EEA1: variants seen among roughly 807,000 people sequenced by gnomAD.
EEA1 encodes early endosome antigen 1, 162kD.
Under a neutral mutation model 209.2 loss-of-function variants are expected in EEA1, and 111 were observed. The observed-to-expected ratio is 0.53, with a 90% CI of 0.45 to 0.62. The LOEUF is 0.62. EEA1 is among the 20% of genes least tolerant of loss of function. The probability of loss-of-function intolerance (pLI) is 0.00; values close to 1 mark genes in which losing one functional copy is unlikely to be tolerated. For synonymous variants in EEA1, 536 were observed against 540.6 expected, an observed-to-expected ratio of 0.99 and a Z score of 0.12; for missense variants, 1,343 against 1,530.8, an observed-to-expected ratio of 0.88 and a Z score of 2.05.
chr12:92,885,710 C>T (rs943091321), intron 2 of EEA1, among the ~76,000 whole-genome samples: 16 of 152,140 alleles, frequency 1.1e-4, no homozygotes, highest in Non-Finnish European at 2.1e-4. Flanking sequence ...GTTTTTCATC[C>T]TTGTTGTCTC....
Position 92,831,645 on chromosome 12 carries a change from T to C in EEA1, c.1254+867A>G, listed in dbSNP as rs576273291. Among the ~76,000 whole-genome samples the C allele has an allele frequency of 2.2e-3, 318 of 147,294 alleles. 1 individual carries two copies. The highest frequency in any genetic ancestry group is 6.7e-3 in the African/African-American group (274 of 40,714). ...TATATATTTCATAAATATATAAATA[T>C]ATAATATATAGTTCATATATATATA... On this transcript the variant is annotated intron_variant, in intron 11 of 28. Coordinates refer to ENST00000322349, the MANE Select transcript of EEA1 (RefSeq NM_003566.4).
At chr12:92,925,686 T>C (rs927098793) in intron 1 of EEA1, among the ~76,000 whole-genome samples, 3 of 152,206 alleles carry the variant, frequency 2.0e-5, no homozygotes, top group African/African-American at 7.2e-5. Context: ...TTCACTTTGG[T>C]TTTGTTTTGA....
At chr12:92,887,770 A>G (rs944710683) in intron 2 of EEA1, among the ~76,000 whole-genome samples, 17 of 152,246 alleles carry the variant, frequency 1.1e-4, no homozygotes, top group African/African-American at 4.1e-4. Flanking sequence ...TGACTGATTT[A>G]TCAAGATGTA....
At chr12:92,907,286 C>A (rs1880419581) in intron 1 of EEA1, among the ~76,000 whole-genome samples, 1 of 152,164 alleles carries the variant, frequency 6.6e-6, no homozygotes, top group African/African-American at 2.4e-5. Flanking sequence ...TCATATTTTC[C>A]TGTCCTGCCA....
rs750370594 is a variant in EEA1, at chr12:92,802,427, C to T, written c.2647G>A (p.Gly883Arg). The change falls in exon 19 of 29, where the codon GGA (glycine) becomes AGA (arginine). Residue 883 changes from glycine (G) to arginine (R), a missense_variant. This residue lies in a region of EEA1 where 1,307 missense variants were observed against 1,465.5 expected (regional missense o/e 0.89). Coordinates refer to ENST00000322349, the MANE Select transcript of EEA1 (RefSeq NM_003566.4). ...KSEFEKENQK[G>R]KAAILDLEKT... Reference sequence around the variant, plus strand: ...ACCAAGTCTAATATAGCGGCTTTTCCTTTCTGATTCTCCTTTTCAAATTCA... The same window carrying T: ...ACCAAGTCTAATATAGCGGCTTTTCTTTTCTGATTCTCCTTTTCAAATTCA... 1 of 1,576,388 alleles carries T rather than the reference C, an allele frequency of 6.3e-7. No individual in the cohort carries two copies. The highest frequency in any genetic ancestry group is 2.3e-5 in the East Asian group (1 of 44,112).
In EEA1 at chr12:92,778,055, C is replaced by G; in HGVS notation, c.3779G>C (p.Ser1260Thr). 6.2e-7 allele frequency: 1 copy of G among 1,613,458 alleles called. No individual in the cohort carries two copies. Among genetic ancestry groups the G allele is most frequent in the Non-Finnish European group, 8.5e-7 (1 of 1,179,546 alleles). Residue 1260 changes from serine (S) to threonine (T), a missense_variant, in exon 26 of 29, where the codon AGT (serine) becomes ACT (threonine). Transcript: ENST00000322349. ...LGTVKKEWQS[S>T]QRRVSELEKQ... is the part of the protein sequence containing the mutation. Reference sequence around the variant, plus strand: ...CTCAAGCTCACTAACTCTCCGTTGACTAGATTGCCACTCCTTCTTCACAGT... The same window carrying G: ...CTCAAGCTCACTAACTCTCCGTTGAGTAGATTGCCACTCCTTCTTCACAGT...
intron 1 of EEA1, among the ~76,000 whole-genome samples, chr12:92,917,848 C>A (rs1278736624): frequency 1.3e-5 from 1 of 77,800 alleles, no homozygotes; most frequent in African/African-American, 5.4e-5. Flanking sequence ...TTCAGGAAAC[C>A]CATCTCACGT....
At chr12:92,846,090 T>C (rs185997195) in intron 9 of EEA1, among the ~76,000 whole-genome samples, 2 of 152,316 alleles carry the variant, frequency 1.3e-5, no homozygotes, top group Admixed American at 1.3e-4. Flanking sequence ...GCTACAACTA[T>C]AAGTAAATAA....
chr12:92,888,983 C>G (rs1392133960), intron 2 of EEA1, among the ~76,000 whole-genome samples: 1 of 151,868 alleles, frequency 6.6e-6, no homozygotes, highest in African/African-American at 2.4e-5. Context: ...AACCCTGTCT[C>G]TACTAAAAAT....
intron 3 of EEA1, among the ~76,000 whole-genome samples, chr12:92,862,345 T>C (rs965955787): frequency 3.3e-5 from 5 of 152,176 alleles, no homozygotes; most frequent in Admixed American, 3.3e-4. Context: ...CCTGCAATCC[T>C]AACACTTTGG....
At chr12:92,928,519 G>C (rs911505151) in intron 1 of EEA1, among the ~76,000 whole-genome samples, 1 of 152,192 alleles carries the variant, frequency 6.6e-6, no homozygotes, top group African/African-American at 2.4e-5. Context: ...GGCTAGGCCG[G>C]GGCTCACCAC....
At chr12:92,795,372 C>T (rs1165121040) in intron 21 of EEA1, among the ~76,000 whole-genome samples, 1 of 152,188 alleles carries the variant, frequency 6.6e-6, no homozygotes, top group African/African-American at 2.4e-5. Flanking sequence ...TTTAGTTTCT[C>T]TACGCACTAA....
intron 27 of EEA1, 44 bp downstream of exon 27, chr12:92,777,499 C>T: frequency 1.3e-6 from 2 of 1,548,950 alleles, no homozygotes; most frequent in South Asian, 1.3e-5. Flanking sequence ...ACTAATAAGC[C>T]AATTCTAGAC....
rs369793902 is a variant in EEA1 at position 92,835,504 on chromosome 12, C to T, written c.916-2654G>A. 97 of 230,242 alleles carry T rather than the reference C, an allele frequency of 4.2e-4. No homozygotes were observed. In the East Asian group the frequency reaches 0.012, roughly 29 times the overall value. 14.3% of individuals were successfully genotyped at this position (230,242 alleles called of 1,614,324 possible). A position where few individuals can be genotyped will look rare whatever the true frequency, so the allele number is the denominator to read the frequency against. Reference sequence around the variant, plus strand: ...TTGGCTCACTGCAAGCTCCACCTCCCGGGTTCACACCATTCTCTTGCCTCA... The same window carrying T: ...TTGGCTCACTGCAAGCTCCACCTCCTGGGTTCACACCATTCTCTTGCCTCA... On this transcript the variant is annotated intron_variant, in intron 10 of 28. Transcript: ENST00000322349.
intron 21 of EEA1, among the ~76,000 whole-genome samples, chr12:92,797,745 T>C (rs919181430): frequency 1.1e-4 from 17 of 152,188 alleles, no homozygotes; most frequent in Admixed American, 7.9e-4. Flanking sequence ...TGATTATATA[T>C]GGTAAGAAAA....
At position 92,850,444 on chromosome 12, in the gene EEA1, C is replaced by T. The variant is rs955526675; in HGVS notation, c.798+667G>A. The stretch of plus-strand genomic sequence containing the variant: ...GTGGCTCACGCCTGTAATCCCAACA[C>T]TTTGGGAAGCCAAGACAGGCAGACC... On this transcript the variant is annotated intron_variant, in intron 9 of 28. Coordinates refer to ENST00000322349, the MANE Select transcript of EEA1 (RefSeq NM_003566.4). Among the ~76,000 whole-genome samples, 10 of 152,278 alleles carry T rather than the reference C, an allele frequency of 6.6e-5. 1 individual carries two copies. Among genetic ancestry groups the T allele is most frequent in the Admixed American group, 5.9e-4 (9 of 15,298 alleles).
chr12:92,781,228 TC>T (rs1337858478), intron 23 of EEA1, among the ~76,000 whole-genome samples: 1 of 152,158 alleles, frequency 6.6e-6, no homozygotes, highest in African/African-American at 2.4e-5. Context: ...AAGAGTTCTG[TC>T]AGAATTCTCT....
intron 1 of EEA1, among the ~76,000 whole-genome samples, chr12:92,904,236 C>G (rs2136769187): frequency 6.6e-6 from 1 of 152,336 alleles, no homozygotes; most frequent in South Asian, 2.1e-4. Context: ...GCTGGGATTA[C>G]AGGCGTGAGC....
At chr12:92,857,250 G>C (rs1877921332) in intron 5 of EEA1, 25 bp downstream of exon 5, 1 of 1,536,480 alleles carries the variant, frequency 6.5e-7, no homozygotes, top group African/African-American at 1.4e-5. Context: ...TAATAAACAT[G>C]CTTTAAGTAG....
Sources: gnomAD v4.1 joint callset for allele counts (sites outside exome capture counted in the v4.1 genomes callset) on GRCh38, gnomAD v4.1.1 for gene constraint, gnomAD v4.1.1 regional missense constraint, MANE v1.5 for transcripts, NCBI Gene and HGNC (gene_info 2026-07-23, HGNC 2026-07-21) for gene names.